The following ZNF683 variants were observed in gnomAD, a reference collection of about 807,000 sequenced individuals.
The protein encoded by ZNF683 is tissue-resident T-cell transcription regulator protein ZNF683.
Under a neutral mutation model 31.4 loss-of-function variants are expected in ZNF683, and 20 were observed. That is an observed-to-expected ratio of 0.64 (90% CI 0.45 to 0.93). The LOEUF is 0.93. Among genes scored for constraint, ZNF683 ranks in the 40% least tolerant of loss-of-function variants. The probability of loss-of-function intolerance (pLI) is 0.00; values close to 1 mark genes in which losing one functional copy is unlikely to be tolerated. For missense variants in ZNF683, 621 were observed against 637.2 expected (o/e 0.97, Z 0.27); for synonymous variants, 264 against 267.6 (o/e 0.99, Z 0.13).
intron 5 of ZNF683, 120 bp downstream of exon 5, chr1:26,362,906 C>A (rs2074419263): frequency 7.4e-7 from 1 of 1,355,160 alleles, no homozygotes; most frequent in African/African-American, 1.4e-5. Context: ...TTCACTCCCC[C>A]TTCCCATCTC....
At chr1:26,370,345 G>A (rs1006105284) in intron 1 of ZNF683, among the ~76,000 whole-genome samples, 9 of 152,102 alleles carry the variant, frequency 5.9e-5, no homozygotes, top group Non-Finnish European at 2.9e-5. Context: ...CCAAGCCCCC[G>A]GATGCCCCTG....
Position 26,368,495 on chromosome 1 carries a change from G to A in ZNF683, c.77C>T (p.Ser26Phe), listed in dbSNP as rs144300741. 7.5e-6 allele frequency: 12 copies of A among 1,600,990 alleles called. No individual in the cohort carries two copies. Among genetic ancestry groups the A allele is most frequent in the Non-Finnish European group, 6.8e-6 (8 of 1,173,966 alleles). The change falls in exon 2 of 6, where the codon TCC becomes TTC. Residue 26 changes from serine to phenylalanine, a missense_variant. Coordinates refer to ENST00000349618, the MANE Select transcript of ZNF683 (RefSeq NM_001114759.3). ...GAAGAGCTGGAAGTCCAGGCTGGGGGACAGGGAGCCCCCTGTACCTCCCAG... is the reference window on the plus strand; with the variant it reads ...GAAGAGCTGGAAGTCCAGGCTGGGGAACAGGGAGCCCCCTGTACCTCCCAG... ...MALGGTGGSL[S>F]PSLDFQLFRG...
rs2074590697 is a variant in ZNF683, at chr1:26,368,660, C to G, written c.-14-75G>C. On this transcript the variant is annotated intron_variant, in intron 1 of 5. Transcript: ENST00000349618. Reference sequence around the variant, plus strand: ...AGTCTGAGTTCTAGGACTGGCTCTCCCATTAACATGCTGCATGACCACAAG... The same window carrying G: ...AGTCTGAGTTCTAGGACTGGCTCTCGCATTAACATGCTGCATGACCACAAG... The G allele has an allele frequency of 9.7e-6, 14 of 1,447,208 alleles. No individual in the cohort carries two copies. In the Admixed American group the frequency reaches 3.6e-4, roughly 37 times the overall value. 89.6% of individuals were successfully genotyped at this position (1,447,208 alleles called of 1,614,324 possible).
chr1:26,368,218 G>T (rs2074577006), intron 2 of ZNF683, among the ~76,000 whole-genome samples: 1 of 152,260 alleles, frequency 6.6e-6, no homozygotes, highest in Admixed American at 6.5e-5. Flanking sequence ...GGTCATAGCA[G>T]CCAAGCCTAC....
Position 26,365,884 on chromosome 1 carries a change from C to T in ZNF683, c.320-658G>A, listed in dbSNP as rs577405966. Among the ~76,000 whole-genome samples, 3 of 151,422 alleles carry T rather than the reference C, an allele frequency of 2.0e-5. No homozygotes were observed. In the East Asian group the frequency reaches 5.9e-4, roughly 30 times the overall value. On this transcript the variant is annotated intron_variant, in intron 3 of 5. Coordinates refer to ENST00000349618, the MANE Select transcript of ZNF683 (RefSeq NM_001114759.3). ...AAAGCAAAATCCCATCTCTACAAAA[C>T]AATAAGAAAATTAAGGCTGGGCACG...
chr1:26,374,453 G>A (rs1570282137), upstream of ZNF683: 2 of 1,155,964 alleles, frequency 1.7e-6, no homozygotes, highest in Middle Eastern at 3.2e-4. Context: ...GCCCCAGGAG[G>A]TGGGCTGAGG....
upstream of ZNF683, among the ~76,000 whole-genome samples, chr1:26,373,845 G>A (rs2074713586): frequency 6.6e-6 from 1 of 152,174 alleles, no homozygotes. Flanking sequence ...GTCTGGCACT[G>A]TGCTAGGGGC....
At position 26,363,281 on chromosome 1, in the gene ZNF683, G is replaced by T. The variant is rs575393898; in HGVS notation, c.1015-127C>A. 42 of 1,262,392 alleles carry T rather than the reference G, an allele frequency of 3.3e-5. No individual in the cohort carries two copies. In the Middle Eastern group the frequency reaches 4.7e-3, roughly 141 times the overall value. The allele number at this position is 1,262,392 out of a possible 1,614,324, so 78.2% of individuals were successfully genotyped here. On this transcript the variant is annotated intron_variant, in intron 4 of 5. Transcript: ENST00000349618. ...TCTCCCTCAGGGCCCATCATCCCCA[G>T]GATACTCTACTCTTTCTGCTGCCCT... is the stretch of plus-strand genomic sequence containing the variant.
chr1:26,362,080 C>G (rs2074400250), intron 5 of ZNF683, 58 bp from the exon 6 acceptor site: 5 of 1,613,852 alleles, frequency 3.1e-6, no homozygotes, highest in Non-Finnish European at 4.2e-6. Context: ...AGGCATTCTA[C>G]TCCCTCTCCT....
chr1:26,368,264 A>G (rs1235286153), intron 2 of ZNF683, among the ~76,000 whole-genome samples, 194 bp downstream of exon 2: 1 of 152,176 alleles, frequency 6.6e-6, no homozygotes, highest in Non-Finnish European at 1.5e-5. Flanking sequence ...CCCACAGGAG[A>G]GTCTGGGCCC....
intron 5 of ZNF683, 85 bp downstream of exon 5, chr1:26,362,935 GGGGAAT>G: frequency 1.4e-6 from 2 of 1,477,528 alleles, no homozygotes; most frequent in Non-Finnish European, 1.8e-6. Context: ...CAGGAGGACT[GGGGAAT>G]GGAGGCTGCA....
intron 4 of ZNF683, 97 bp from the exon 5 acceptor site, chr1:26,363,251 C>A: frequency 1.4e-6 from 2 of 1,427,160 alleles, no homozygotes; most frequent in South Asian, 1.3e-5. Flanking sequence ...TCTCCCTCCC[C>A]GTCATCTCCC....
Position 26,367,605 on chromosome 1 carries a change from C to A in ZNF683, c.307G>T (p.Ala103Ser). ...GTDLQGLQED[A>S]LSMKHEPPGL... ...GCCCTGGGCTTACTCATGCTCAAGG[C>A]GTCCTCTTGGAGGCCCTGCAGGTCT... Residue 103 changes from alanine (A) to serine (S), a missense_variant, in exon 3 of 6, where the codon GCC (alanine) becomes TCC (serine). Ala to Ser is a moderately conservative substitution (Grantham distance 99, BLOSUM62 1). Coordinates refer to ENST00000349618, the MANE Select transcript of ZNF683 (RefSeq NM_001114759.3). The A allele has an allele frequency of 6.2e-7, 1 of 1,604,444 alleles. No individual in the cohort carries two copies.
At chr1:26,366,536 A>G (rs150203816) in intron 3 of ZNF683, among the ~76,000 whole-genome samples, 159 of 152,144 alleles carry the variant, frequency 1.0e-3, no homozygotes, top group African/African-American at 3.7e-3. Flanking sequence ...CAAACCTAGA[A>G]CCCAGGCAGA....
upstream of ZNF683, chr1:26,374,469 C>T: frequency 8.0e-6 from 9 of 1,122,500 alleles, no homozygotes; most frequent in Non-Finnish European, 1.0e-5. Context: ...TGAGGACAGA[C>T]TCCCTCAGGT....
Position 26,363,127 on chromosome 1 carries a change from G to T in ZNF683, c.1042C>A (p.Arg348Ser). 2.5e-6 allele frequency: 4 copies of T among 1,612,372 alleles called. No individual in the cohort carries two copies. The highest frequency in any genetic ancestry group is 1.7e-4 in the Middle Eastern group (1 of 6,060). Residue 348 changes from arginine (R) to serine (S), a missense_variant, in exon 5 of 6, where the codon CGT becomes AGT. By Grantham distance (110) the Arg-to-Ser change is moderately radical (BLOSUM62 -1). Coordinates refer to ENST00000349618, the MANE Select transcript of ZNF683 (RefSeq NM_001114759.3). ...TGGCACAAGGCACACTGGAATGGAC[G>T]CTCTCCACTGTGCACACGCAGGTGG... ...KVHLRVHSGE[R>S]PFQCALCQKS...
Position 26,361,855 on chromosome 1 carries a change from G to A in ZNF683, c.1311C>T (p.His437=), listed in dbSNP as rs1324624755. 2 of 1,613,926 alleles carry A rather than the reference G, an allele frequency of 1.2e-6. No individual in the cohort carries two copies. Among genetic ancestry groups the A allele is most frequent in the African/African-American group, 1.3e-5 (1 of 74,948 alleles). ...LHAPQPCGLV[H]TQLPLASLAC... ...CCAGAGAGGCCAGGGGCAGCTGGGT[G>A]TGCACCAGGCCACAGGGCTGTGGGG... is the stretch of plus-strand genomic sequence containing the variant. Residue 437 remains histidine (H), a synonymous_variant, in exon 6 of 6, where the codon CAC becomes CAT. Coordinates refer to ENST00000349618, the MANE Select transcript of ZNF683 (RefSeq NM_001114759.3).
chr1:26,373,739 A>G (rs999757610), upstream of ZNF683, among the ~76,000 whole-genome samples: 2 of 152,226 alleles, frequency 1.3e-5, no homozygotes, highest in African/African-American at 4.8e-5. Context: ...TCTGCATTAT[A>G]CATGCCCAGA....
rs1366769931 is a variant in ZNF683 at position 26,369,752 on chromosome 1, C to T, written c.-14-1167G>A. On this transcript the variant is annotated intron_variant, in intron 1 of 5. Transcript: ENST00000349618. ...GGCTGAGGCAAGAGAATCGCTTGAA[C>T]CCAAGAGGCGGAGGTTGCAGTAGCC... Among the ~76,000 whole-genome samples, 1,051 of 134,740 alleles carry T rather than the reference C, an allele frequency of 7.8e-3. 8 individuals carry two copies. Among genetic ancestry groups the T allele is most frequent in the African/African-American group, 0.031 (975 of 31,164 alleles). The allele number at this position is 134,740 out of a possible 152,430, so 88.4% of individuals were successfully genotyped here.
Sources: gnomAD v4.1 joint callset for allele counts (sites outside exome capture counted in the v4.1 genomes callset) on GRCh38, gnomAD v4.1.1 for gene constraint, MANE v1.5 for transcripts, NCBI Gene and HGNC (gene_info 2026-07-23, HGNC 2026-07-21) for gene names.